The following SYT2 variants were observed in gnomAD, a reference collection of about 807,000 sequenced individuals.
The protein encoded by SYT2 is synaptotagmin 2.
A neutral mutation model predicts 39.9 loss-of-function variants in SYT2; 15 were observed. The observed-to-expected ratio is 0.38, with a 90% CI of 0.25 to 0.58. SYT2 has a LOEUF of 0.58. Ranked by LOEUF, SYT2 falls within the 20% of genes least tolerant of loss-of-function variation. The pLI is 0.70. For synonymous variants in SYT2, 181 were observed against 204.5 expected (o/e 0.89, Z 0.98); for missense variants, 389 against 530.3 (o/e 0.73, Z 2.62).
At chr1:202,617,179 A>T (rs1691067127) in intron 1 of SYT2, among the ~76,000 whole-genome samples, 1 of 152,116 alleles carries the variant, frequency 6.6e-6, no homozygotes, top group African/African-American at 2.4e-5. Context: ...GGGCCTTTGT[A>T]TATGCTGTGC....
At position 202,702,476 on chromosome 1, in the gene SYT2, C is replaced by T. The variant is rs371052032; in HGVS notation, c.-18+7782G>A. ...CACAGCCAATTAACTCCATGCTTCC[C>T]GCTAACACTGATCCTAGCCACAGCC... On this transcript the variant is annotated intron_variant, in intron 1 of 8. Coordinates refer to ENST00000367268, the MANE Select transcript of SYT2 (RefSeq NM_177402.5). 1.5e-4 allele frequency among the ~76,000 whole-genome samples: 23 copies of T among 152,360 alleles called. 1 individual carries two copies. Among genetic ancestry groups the T allele is most frequent in the Admixed American group, 7.8e-4 (12 of 15,298 alleles).
intron 1 of SYT2, among the ~76,000 whole-genome samples, chr1:202,624,803 ATGG>A (rs1463498985): frequency 1.1e-5 from 1 of 93,716 alleles, no homozygotes; most frequent in Non-Finnish European, 2.1e-5. Context: ...GGCATGTAGC[ATGG>A]TGTGTGTGTG....
intron 1 of SYT2, among the ~76,000 whole-genome samples, chr1:202,617,479 G>A (rs941029176): frequency 3.3e-5 from 5 of 152,090 alleles, no homozygotes; most frequent in African/African-American, 7.2e-5. Context: ...TCCAGAAGCC[G>A]AGCAGATGCC....
chr1:202,647,012 T>C (rs1164722420), intron 1 of SYT2, among the ~76,000 whole-genome samples: 3 of 152,220 alleles, frequency 2.0e-5, no homozygotes, highest in East Asian at 1.9e-4. Context: ...TGTCCCTGCG[T>C]TGGCCTCGAG....
At chr1:202,600,657 A>G (rs763981285) in intron 6 of SYT2, among the ~76,000 whole-genome samples, 183 bp from the exon 7 acceptor site, 1 of 152,222 alleles carries the variant, frequency 6.6e-6, no homozygotes, top group Non-Finnish European at 1.5e-5. Flanking sequence ...CCCCTGATGC[A>G]GTGCAACAAA....
chr1:202,673,479 T>C (rs1038236885), intron 1 of SYT2, among the ~76,000 whole-genome samples: 3 of 152,200 alleles, frequency 2.0e-5, no homozygotes, highest in Non-Finnish European at 4.4e-5. Flanking sequence ...TGGAGTGAGT[T>C]TTGACTCAAC....
rs112050833 is a variant in SYT2, at chr1:202,664,461, A to G, written c.-18+45797T>C. 8.3e-3 allele frequency among the ~76,000 whole-genome samples: 1,266 copies of G among 152,230 alleles called. 15 individuals are homozygous for G. The highest frequency in any genetic ancestry group is 0.029 in the African/African-American group (1,214 of 41,526). On this transcript the variant is annotated intron_variant, in intron 1 of 8. Coordinates refer to ENST00000367268, the MANE Select transcript of SYT2 (RefSeq NM_177402.5). ...GATGAATTTTGTTAAGTGTATATGC[A>G]CTTTCCCACCACCCCAATCAATATA...
rs757635183 is a variant in SYT2 at position 202,602,397 on chromosome 1, T to C, written c.614A>G (p.Asn205Ser). Residue 205 changes from asparagine to serine, a missense_variant, in exon 5 of 9, where the codon AAT becomes AGT. Asn to Ser is a conservative substitution (Grantham distance 46). Coordinates refer to ENST00000367268, the MANE Select transcript of SYT2 (RefSeq NM_177402.5). The part of the protein sequence containing the change: ...VHRKTLNPAF[N>S]ETFTFKVPYQ... The stretch of plus-strand genomic sequence containing the variant: ...CAGCACCTTGAAGGTGAAGGTTTCA[T>C]TGAAGGCAGGGTTCAGTGTCTTCCG... The C allele has an allele frequency of 3.1e-6, 5 of 1,614,086 alleles. No homozygotes were observed. The Admixed American group carries it at 8.3e-5, about 27-fold the overall frequency.
At chr1:202,689,052 C>T (rs1653750487) in intron 1 of SYT2, among the ~76,000 whole-genome samples, 1 of 152,058 alleles carries the variant, frequency 6.6e-6, no homozygotes, top group Non-Finnish European at 1.5e-5. Flanking sequence ...TTGTGGAGCC[C>T]GCCCCCAGAC....
intron 1 of SYT2, among the ~76,000 whole-genome samples, chr1:202,639,319 C>T (rs1691835506): frequency 6.6e-6 from 1 of 152,174 alleles, no homozygotes; most frequent in Non-Finnish European, 1.5e-5. Context: ...TTACCTTGTG[C>T]TCTGATTTTA....
chr1:202,644,065 T>C (rs1035734502), intron 1 of SYT2, among the ~76,000 whole-genome samples: 1 of 152,042 alleles, frequency 6.6e-6, no homozygotes. Context: ...AAAAGGCAGA[T>C]GCTGGAGGGG....
chr1:202,611,011 G>T (rs1558429166), intron 1 of SYT2, among the ~76,000 whole-genome samples: 1 of 152,156 alleles, frequency 6.6e-6, no homozygotes, highest in Admixed American at 6.5e-5. Context: ...AGCCCGCATT[G>T]CCAAGTCAAT....
chr1:202,664,412 ATCC>A (rs1692445611), intron 1 of SYT2, among the ~76,000 whole-genome samples: 1 of 152,176 alleles, frequency 6.6e-6, no homozygotes, highest in South Asian at 2.1e-4. Context: ...GCAATGAAAT[ATCC>A]TCATTTTAAG....
intron 1 of SYT2, chr1:202,636,473 A>ATC: frequency 1.1e-6 from 1 of 885,712 alleles, no homozygotes; most frequent in Non-Finnish European, 1.4e-6. Context: ...ACATCTTGGG[A>ATC]GAAGTGAGAA....
At chr1:202,607,830 C>T (rs1036864005) in intron 1 of SYT2, among the ~76,000 whole-genome samples, 2 of 152,112 alleles carry the variant, frequency 1.3e-5, no homozygotes, top group African/African-American at 4.8e-5. Context: ...CAGGGCCTTC[C>T]GCCATGTCCA....
In SYT2 at chr1:202,628,347, G is replaced by T. The variant is rs1006223142; in HGVS notation, c.-17-22558C>A. ...GGAGAGGTCATGAGATGTCTGGGGA[G>T]CCCAGCCTGCTCTCAGTGGGAGCTG... is the stretch of plus-strand genomic sequence containing the variant. On this transcript the variant is annotated intron_variant, in intron 1 of 8. Coordinates refer to ENST00000367268, the MANE Select transcript of SYT2 (RefSeq NM_177402.5). The surrounding 1 kb of genome is among the most constrained non-coding windows in gnomAD (Gnocchi z 4.2). Among the ~76,000 whole-genome samples the T allele has an allele frequency of 2.0e-5, 3 of 152,126 alleles. No individual in the cohort carries two copies. Among genetic ancestry groups the T allele is most frequent in the African/African-American group, 4.8e-5 (2 of 41,438 alleles).
At chr1:202,683,636 G>T (rs1034199763) in intron 1 of SYT2, among the ~76,000 whole-genome samples, 4 of 151,752 alleles carry the variant, frequency 2.6e-5, no homozygotes, top group Non-Finnish European at 5.9e-5. Flanking sequence ...AGCTACTTGG[G>T]AGGCTGAGGT....
rs561745163 is a variant in SYT2 at position 202,701,818 on chromosome 1, A to G, written c.-18+8440T>C. 9.2e-5 allele frequency among the ~76,000 whole-genome samples: 14 copies of G among 152,292 alleles called. No homozygotes were observed. In the East Asian group the frequency reaches 2.7e-3, roughly 29 times the overall value. The stretch of plus-strand genomic sequence containing the variant: ...CCATCTTGATTACTGCTATAAGGTA[A>G]ACTTCACAAGGGCCTGTTCCCTGTG... On this transcript the variant is annotated intron_variant, in intron 1 of 8. Coordinates refer to ENST00000367268, the MANE Select transcript of SYT2 (RefSeq NM_177402.5).
At chr1:202,676,283 TGA>T (rs1653372635) in intron 1 of SYT2, among the ~76,000 whole-genome samples, 1 of 151,758 alleles carries the variant, frequency 6.6e-6, no homozygotes, top group Non-Finnish European at 1.5e-5. Context: ...AGGAAATAGA[TGA>T]GATGCCATCC....
Sources: gnomAD v4.1 joint callset for allele counts (sites outside exome capture counted in the v4.1 genomes callset) on GRCh38, gnomAD v4.1.1 for gene constraint, Gnocchi (gnomAD v3.1) non-coding constraint, MANE v1.5 for transcripts, NCBI Gene and HGNC (gene_info 2026-07-23, HGNC 2026-07-21) for gene names.